GRIK1: variants seen among roughly 807,000 people sequenced by gnomAD.
The protein encoded by GRIK1 is glutamate ionotropic receptor kainate type subunit 1.
GRIK1 carries 69 observed loss-of-function variants against 105.7 expected under a neutral mutation model. The ratio of observed to expected loss-of-function variants is 0.65; its 90% CI spans 0.54 to 0.80. The LOEUF is 0.80. Ranked by LOEUF, GRIK1 falls within the 30% of genes least tolerant of loss-of-function variation. The pLI, the probability that GRIK1 is intolerant of heterozygous loss-of-function variation, is 0.00. For synonymous variants in GRIK1, 438 were observed against 431.3 expected, an observed-to-expected ratio of 1.02 and a Z score of -0.19; for missense variants, 1,109 against 1,167.3, an observed-to-expected ratio of 0.95 and a Z score of 0.73.
intron 14 of GRIK1, among the ~76,000 whole-genome samples, chr21:29,570,760 T>C (rs928109207): frequency 1.3e-5 from 2 of 152,020 alleles, no homozygotes; most frequent in African/African-American, 4.8e-5. Flanking sequence ...GTGATTGAAC[T>C]GTAAGTTCCA....
rs371012988 is a variant in GRIK1, at chr21:29,866,351, C to T, written c.118+73032G>A. On this transcript the variant is annotated intron_variant, in intron 1 of 17. Coordinates refer to ENST00000327783, the MANE Select transcript of GRIK1 (RefSeq NM_001330994.2). ...AAAGTGCTGAGATTACAGGTATGAG[C>T]CACTAAGCCAGAATTTTTACATGTT... Among the ~76,000 whole-genome samples, 6 of 152,200 alleles carry T rather than the reference C, an allele frequency of 3.9e-5. No homozygotes were observed. In the East Asian group the frequency reaches 9.7e-4, roughly 24 times the overall value.
At chr21:29,726,869 A>G (rs1028340505) in intron 1 of GRIK1, among the ~76,000 whole-genome samples, 1 of 151,578 alleles carries the variant, frequency 6.6e-6, no homozygotes, top group Non-Finnish European at 1.5e-5. Flanking sequence ...ATGTTCATAT[A>G]ATCTAAATCT....
At position 29,684,250 on chromosome 21, in the gene GRIK1, A is replaced by G. The variant is rs868577095; in HGVS notation, c.544+5478T>C. Among the ~76,000 whole-genome samples, 128 of 134,970 alleles carry G rather than the reference A, an allele frequency of 9.5e-4. 1 individual carries two copies. The highest frequency in any genetic ancestry group is 3.4e-3 in the African/African-American group (124 of 36,256). 88.5% of individuals were successfully genotyped at this position (134,970 alleles called of 152,430 possible). A position where few individuals can be genotyped will look rare whatever the true frequency, so the allele number is the denominator to read the frequency against. Reference sequence around the variant, plus strand: ...TGTCTATGAAACAAGGGAATCTATCATCTCTATCTATCTATCTATCTATCT... The same window carrying G: ...TGTCTATGAAACAAGGGAATCTATCGTCTCTATCTATCTATCTATCTATCT... On this transcript the variant is annotated intron_variant, in intron 3 of 17. Transcript: ENST00000327783.
intron 1 of GRIK1, among the ~76,000 whole-genome samples, chr21:29,789,542 C>T (rs779086508): frequency 9.9e-5 from 15 of 152,234 alleles, no homozygotes; most frequent in Non-Finnish European, 1.9e-4. Context: ...TGGCTTACTC[C>T]TTTCTGTAAA....
In GRIK1 at chr21:29,651,233, A is replaced by T; in HGVS notation, c.839T>A (p.Phe280Tyr). 1 of 1,613,876 alleles carries T rather than the reference A, an allele frequency of 6.2e-7. No homozygotes were observed. Among genetic ancestry groups the T allele is most frequent in the Non-Finnish European group, 8.5e-7 (1 of 1,179,716 alleles). ...AGGGTTGTCAATGTTAAGCAGCCGA[A>T]ACCCGGTCATGTTTACGCCACTGTA... is the stretch of plus-strand genomic sequence containing the variant. ...YRYSGVNMTGFRLLNIDNPHV... is the reference protein window; with the variant it reads ...YRYSGVNMTGYRLLNIDNPHV... The change falls in exon 6 of 18, where the codon TTT (phenylalanine) becomes TAT (tyrosine). Residue 280 changes from phenylalanine (F) to tyrosine (Y), a missense_variant. Transcript: ENST00000327783.
intron 7 of GRIK1, among the ~76,000 whole-genome samples, chr21:29,625,199 G>T (rs773363791): frequency 1.3e-5 from 2 of 152,130 alleles, no homozygotes; most frequent in Non-Finnish European, 1.5e-5. Flanking sequence ...AATTATACAG[G>T]GGTAGAGGAC....
At chr21:29,636,171 T>C (rs2062394522) in intron 7 of GRIK1, among the ~76,000 whole-genome samples, 1 of 152,190 alleles carries the variant, frequency 6.6e-6, no homozygotes, top group Non-Finnish European at 1.5e-5. Context: ...CCCTCCGTCA[T>C]GTCACTAGTC....
At chr21:29,834,142 A>G (rs938643979) in intron 1 of GRIK1, among the ~76,000 whole-genome samples, 1 of 151,996 alleles carries the variant, frequency 6.6e-6, no homozygotes, top group African/African-American at 2.4e-5. Context: ...ATCAGATAGT[A>G]TTATCCTAAA....
intron 14 of GRIK1, among the ~76,000 whole-genome samples, chr21:29,564,309 G>A (rs1199632703): frequency 2.0e-5 from 3 of 151,854 alleles, no homozygotes. Context: ...CACTACACCC[G>A]GCTAATTTTT....
At chr21:29,866,564 A>C (rs971136247) in intron 1 of GRIK1, among the ~76,000 whole-genome samples, 2 of 152,190 alleles carry the variant, frequency 1.3e-5, no homozygotes, top group African/African-American at 2.4e-5. Context: ...CACAGTCTGG[A>C]AACTTGGCCA....
intron 1 of GRIK1, among the ~76,000 whole-genome samples, chr21:29,852,718 T>C (rs1159850666): frequency 3.3e-5 from 5 of 152,238 alleles, no homozygotes; most frequent in Non-Finnish European, 7.3e-5. Flanking sequence ...TAAAGTGTTA[T>C]GTTATTTCAT....
intron 1 of GRIK1, among the ~76,000 whole-genome samples, chr21:29,796,794 CA>C (rs1470875888): frequency 1.3e-4 from 20 of 152,068 alleles, no homozygotes; most frequent in African/African-American, 4.8e-4. Flanking sequence ...ACTAAAAATA[CA>C]AAAACTAGTT....
At chr21:29,711,267 T>C (rs1287912810) in intron 1 of GRIK1, among the ~76,000 whole-genome samples, 1 of 152,194 alleles carries the variant, frequency 6.6e-6, no homozygotes, top group Non-Finnish European at 1.5e-5. Context: ...TTGTACCTTT[T>C]CTATATTTGG....
intron 1 of GRIK1, among the ~76,000 whole-genome samples, chr21:29,862,125 T>G (rs767634394): frequency 3.3e-5 from 5 of 152,178 alleles, no homozygotes; most frequent in Non-Finnish European, 7.3e-5. Flanking sequence ...TAGCTGGGAC[T>G]ACAGGTGTGC....
At chr21:29,734,638 A>G in intron 1 of GRIK1, among the ~76,000 whole-genome samples, 1 of 151,930 alleles carries the variant, frequency 6.6e-6, no homozygotes, top group East Asian at 1.9e-4. Context: ...GGCTCAAGAG[A>G]TCCACCCCCC....
At chr21:29,908,715 ACCAGTATTATTCAC>A (rs1474959871) in intron 1 of GRIK1, among the ~76,000 whole-genome samples, 1 of 152,216 alleles carries the variant, frequency 6.6e-6, no homozygotes, top group East Asian at 1.9e-4. Context: ...TAAACAGGTA[ACCAGTATTATTCAC>A]CCATTTATTT....
chr21:29,770,564 T>C lies in GRIK1; in HGVS notation c.119-76501A>G, dbSNP rs568978257. Among the ~76,000 whole-genome samples, 53 of 152,336 alleles carry C rather than the reference T, an allele frequency of 3.5e-4. No individual in the cohort carries two copies. The South Asian group carries it at 0.011, about 30-fold the overall frequency. On this transcript the variant is annotated intron_variant, in intron 1 of 17. Coordinates refer to ENST00000327783, the MANE Select transcript of GRIK1 (RefSeq NM_001330994.2). Reference sequence around the variant, plus strand: ...GGAAAGCAGAGAGACTCACATCCATTTTTTGAATACCCAAACCCATATACT... The same window carrying C: ...GGAAAGCAGAGAGACTCACATCCATCTTTTGAATACCCAAACCCATATACT...
intron 1 of GRIK1, among the ~76,000 whole-genome samples, chr21:29,703,685 T>C (rs2063854135): frequency 6.6e-6 from 1 of 152,178 alleles, no homozygotes; most frequent in Non-Finnish European, 1.5e-5. Flanking sequence ...CTTGACCTGA[T>C]GGAAAGTGAA....
chr21:29,586,784 G>T (rs142284950), intron 12 of GRIK1, among the ~76,000 whole-genome samples: 3 of 152,224 alleles, frequency 2.0e-5, no homozygotes, highest in African/African-American at 4.8e-5. Flanking sequence ...ATAGCACAAA[G>T]GTTTCATGCC....
Sources: allele counts gnomAD v4.1 joint callset (sites outside exome capture counted in the v4.1 genomes callset), GRCh38; gene constraint gnomAD v4.1.1; transcripts MANE v1.5; gene names NCBI Gene and HGNC (gene_info 2026-07-23, HGNC 2026-07-21).